The following SORCS1 variants were observed in gnomAD, a reference collection of about 807,000 sequenced individuals.
The protein encoded by SORCS1 is VPS10 domain-containing receptor SorCS1.
SORCS1 carries 60 observed loss-of-function variants against 146.1 expected under a neutral mutation model. That is an observed-to-expected ratio of 0.41 (90% confidence interval 0.33 to 0.51). The LOEUF is 0.51. Ranked by LOEUF, SORCS1 falls within the 20% of genes least tolerant of loss-of-function variation. SORCS1 has a pLI of 0.21. For missense variants in SORCS1, 1,352 were observed against 1,487.6 expected, an observed-to-expected ratio of 0.91 and a Z score of 1.50; for synonymous variants, 637 against 584.0, an observed-to-expected ratio of 1.09 and a Z score of -1.31.
chr10:106,976,843 T>A (rs1042909161), intron 1 of SORCS1, among the ~76,000 whole-genome samples: 1 of 152,202 alleles, frequency 6.6e-6, no homozygotes, highest in African/African-American at 2.4e-5. Flanking sequence ...TCCAGCTTTA[T>A]CTGTGTCCCT....
At chr10:106,969,177 C>G (rs1176421368) in intron 1 of SORCS1, among the ~76,000 whole-genome samples, 1 of 152,188 alleles carries the variant, frequency 6.6e-6, no homozygotes, top group Admixed American at 6.5e-5. Flanking sequence ...CTTTTAGTCA[C>G]AGAACCAAAA....
intron 24 of SORCS1, among the ~76,000 whole-genome samples, chr10:106,589,697 G>GAAAAAAA (rs1157873689): frequency 1.8e-5 from 1 of 55,764 alleles, no homozygotes; most frequent in Admixed American, 2.1e-4. Flanking sequence ...CTTTGACGAC[G>GAAAAAAA]AAAAAAAAAA....
chr10:106,817,856 T>C (rs1269080579), intron 3 of SORCS1, among the ~76,000 whole-genome samples: 3 of 152,218 alleles, frequency 2.0e-5, no homozygotes, highest in African/African-American at 7.2e-5. Context: ...GTTGTGAATG[T>C]CATGACTTTG....
chr10:106,839,440 G>A (rs999430067), intron 2 of SORCS1, among the ~76,000 whole-genome samples: 1 of 152,146 alleles, frequency 6.6e-6, no homozygotes, highest in African/African-American at 2.4e-5. Flanking sequence ...CTCTATGAAG[G>A]CCAAGAGGTG....
At chr10:106,580,933 C>T (rs1015035762) in intron 24 of SORCS1, among the ~76,000 whole-genome samples, 14 of 152,148 alleles carry the variant, frequency 9.2e-5, no homozygotes, top group African/African-American at 3.4e-4. Context: ...TATTTTCTCT[C>T]CCCTGTAAGT....
chr10:106,784,756 A>G, intron 3 of SORCS1, among the ~76,000 whole-genome samples: 1 of 152,244 alleles, frequency 6.6e-6, no homozygotes, highest in Non-Finnish European at 1.5e-5. Flanking sequence ...TCATTTAATG[A>G]TAAGAAATCT....
chr10:106,702,732 T>C (rs948779849), intron 8 of SORCS1, among the ~76,000 whole-genome samples: 28 of 152,212 alleles, frequency 1.8e-4, no homozygotes, highest in African/African-American at 6.3e-4. Context: ...TTCTTTTTTC[T>C]CCTTCCCTAA....
intron 16 of SORCS1, among the ~76,000 whole-genome samples, chr10:106,668,302 T>C (rs1851329135): frequency 6.6e-6 from 1 of 152,198 alleles, no homozygotes; most frequent in Admixed American, 6.5e-5. Flanking sequence ...CTCCATATGC[T>C]TCAAAGTTAC....
At chr10:106,908,702 A>G (rs910288605) in intron 2 of SORCS1, among the ~76,000 whole-genome samples, 1 of 152,142 alleles carries the variant, frequency 6.6e-6, no homozygotes, top group Non-Finnish European at 1.5e-5. Flanking sequence ...GCCATTAACA[A>G]TGGAGGAAGC....
rs569179279 is a variant in SORCS1, at chr10:106,678,715, G to A, written c.1740+541C>T. ...AGGAAGCACTTAAGCTAAACACACT[G>A]GTTTAAAGTATTCCATTTCTACTTT... On this transcript the variant is annotated intron_variant, in intron 12 of 25. Coordinates refer to ENST00000263054, the MANE Select transcript of SORCS1 (RefSeq NM_052918.5). Among the ~76,000 whole-genome samples the A allele has an allele frequency of 5.3e-5, 8 of 152,236 alleles. No homozygotes were observed. The South Asian group carries it at 1.4e-3, about 28-fold the overall frequency.
At chr10:107,122,556 T>C (rs1324130962) in intron 1 of SORCS1, among the ~76,000 whole-genome samples, 2 of 152,232 alleles carry the variant, frequency 1.3e-5, no homozygotes, top group African/African-American at 4.8e-5. Context: ...ATGATGCATA[T>C]ACAAATAGCG....
intron 21 of SORCS1, among the ~76,000 whole-genome samples, chr10:106,616,166 T>C (rs1416080720): frequency 6.6e-6 from 1 of 152,172 alleles, no homozygotes; most frequent in African/African-American, 2.4e-5. Context: ...ATCTATAAAA[T>C]GATGGGCTGG....
intron 6 of SORCS1, among the ~76,000 whole-genome samples, chr10:106,715,024 G>C (rs1327429316): frequency 6.6e-6 from 1 of 152,204 alleles, no homozygotes; most frequent in East Asian, 1.9e-4. Context: ...ATCTTGAACA[G>C]TCTGCCCGTG....
chr10:106,907,789 T>C (rs1222136887), intron 2 of SORCS1, among the ~76,000 whole-genome samples: 1 of 151,694 alleles, frequency 6.6e-6, no homozygotes, highest in Admixed American at 6.6e-5. Context: ...TAGCCAGGCA[T>C]GGTGGTGCGC....
intron 1 of SORCS1, among the ~76,000 whole-genome samples, chr10:106,989,362 A>T (rs909614729): frequency 4.7e-5 from 7 of 149,996 alleles, no homozygotes; most frequent in African/African-American, 1.7e-4. Flanking sequence ...TAGTACCTTG[A>T]TTCTGCCAGG....
intron 1 of SORCS1, among the ~76,000 whole-genome samples, chr10:106,989,170 T>C (rs566209587): frequency 4.1e-5 from 6 of 145,694 alleles, no homozygotes; most frequent in African/African-American, 1.3e-4. Context: ...CTCAGGAGGC[T>C]GAGGCAGGAA....
chr10:107,179,675 G>A, the SORCS1 span, among the ~76,000 whole-genome samples: 2 of 151,960 alleles, frequency 1.3e-5, no homozygotes, highest in African/African-American at 4.8e-5. Flanking sequence ...TTTCTCTTAT[G>A]GATAATAACT....
At chr10:106,875,358 G>A (rs1317894755) in intron 2 of SORCS1, among the ~76,000 whole-genome samples, 29 of 152,154 alleles carry the variant, frequency 1.9e-4, no homozygotes, top group Non-Finnish European at 8.8e-5. Flanking sequence ...TTATCCATTC[G>A]TTGGTCAGTG....
chr10:106,813,150 T>G (rs993288484), intron 3 of SORCS1, among the ~76,000 whole-genome samples: 11 of 147,266 alleles, frequency 7.5e-5, no homozygotes, highest in Non-Finnish European at 1.5e-4. Flanking sequence ...TTTTTTTTTT[T>G]GAGATGGAGT....
Sources: allele counts gnomAD v4.1 joint callset (sites outside exome capture counted in the v4.1 genomes callset), GRCh38; gene constraint gnomAD v4.1.1; transcripts MANE v1.5; gene names NCBI Gene and HGNC (gene_info 2026-07-23, HGNC 2026-07-21).